SLC13A1: variants seen among roughly 807,000 people sequenced by gnomAD.
SLC13A1 encodes the protein solute carrier family 13 member 1.
Under a neutral mutation model 70.0 loss-of-function variants are expected in SLC13A1, and 65 were observed. The observed-to-expected ratio is 0.93, with a 90% CI of 0.76 to 1.14. The LOEUF is 1.14. SLC13A1 is among the 50% of genes most tolerant of loss of function. SLC13A1 has a pLI of 0.00. For missense variants in SLC13A1, 726 were observed against 717.8 expected (o/e 1.01, Z -0.13); for synonymous variants, 275 against 250.5 (o/e 1.10, Z -0.92).
intron 6 of SLC13A1, among the ~76,000 whole-genome samples, chr7:123,162,284 C>T (rs1318594707): frequency 6.6e-6 from 1 of 152,004 alleles, no homozygotes; most frequent in Non-Finnish European, 1.5e-5. Flanking sequence ...TGTCAAAAGT[C>T]AATAGTTTCT....
At chr7:123,151,804 A>T (rs1223107013) in intron 6 of SLC13A1, among the ~76,000 whole-genome samples, 1 of 152,036 alleles carries the variant, frequency 6.6e-6, no homozygotes, top group African/African-American at 2.4e-5. Context: ...CCTCAAAAAC[A>T]TTATCTTCCT....
intron 7 of SLC13A1, among the ~76,000 whole-genome samples, chr7:123,142,211 T>C (rs941980941): frequency 1.3e-5 from 2 of 152,100 alleles, no homozygotes; most frequent in Admixed American, 6.5e-5. Flanking sequence ...GCTCACCCCG[T>C]GTCCACTGCC....
chr7:123,161,806 G>A (rs1794914767), intron 6 of SLC13A1, among the ~76,000 whole-genome samples: 1 of 152,108 alleles, frequency 6.6e-6, no homozygotes. Flanking sequence ...TTGGACTATA[G>A]CTAACTTGGC....
chr7:123,189,930 T>TAA (rs201753525), intron 1 of SLC13A1, among the ~76,000 whole-genome samples: 137 of 152,220 alleles, frequency 9.0e-4, no homozygotes, highest in African/African-American at 3.2e-3. Flanking sequence ...TCATCTTTTT[T>TAA]AAAAAAATTC....
In SLC13A1 at chr7:123,119,072, G is replaced by A. The variant is rs1459055181; in HGVS notation, c.1512+9C>T. On this transcript the variant is annotated intron_variant, in intron 13 of 14. Transcript: ENST00000194130. ...TGAAGAGTAAAAAGGGGATAAATGA[G>A]ATACTCACCAATGGAGATAATATTG... The A allele has an allele frequency of 6.2e-7, 1 of 1,609,212 alleles. No individual in the cohort carries two copies. The highest frequency in any genetic ancestry group is 1.7e-4 in the Middle Eastern group (1 of 6,048).
chr7:123,190,658 T>C (rs975698981), intron 1 of SLC13A1: 1 of 456,566 alleles, frequency 2.2e-6, no homozygotes, highest in Non-Finnish European at 4.4e-6. Context: ...TATTTGACAT[T>C]AACCAAATGA....
At chr7:123,117,150 G>C (rs755294197) in intron 14 of SLC13A1, among the ~76,000 whole-genome samples, 2 of 152,026 alleles carry the variant, frequency 1.3e-5, no homozygotes, top group Non-Finnish European at 2.9e-5. Context: ...CTTTTGCCTG[G>C]ATCAGTTTGG....
intron 1 of SLC13A1, among the ~76,000 whole-genome samples, chr7:123,195,412 G>A (rs1269392403): frequency 6.6e-6 from 1 of 151,516 alleles, no homozygotes; most frequent in Non-Finnish European, 1.5e-5. Flanking sequence ...AAACTTATCT[G>A]TTTTCTTGGA....
At chr7:123,176,409 T>C (rs1585383071) in intron 2 of SLC13A1, among the ~76,000 whole-genome samples, 1 of 152,244 alleles carries the variant, frequency 6.6e-6, no homozygotes, top group East Asian at 1.9e-4. Flanking sequence ...ACATCTCTAA[T>C]AAAATTTGAT....
chr7:123,136,028 A>T (rs1428616421), intron 7 of SLC13A1, among the ~76,000 whole-genome samples: 1 of 152,224 alleles, frequency 6.6e-6, no homozygotes, highest in Non-Finnish European at 1.5e-5. Context: ...CTGATTTCCC[A>T]TTAACATTAG....
chr7:123,125,488 T>C (rs1793527103), intron 11 of SLC13A1, 81 bp downstream of exon 11: 1 of 982,574 alleles, frequency 1.0e-6, no homozygotes, highest in Non-Finnish European at 1.6e-6. Context: ...CTTTCTGCTC[T>C]AGGTGCCAAG....
At chr7:123,119,702 G>A (rs1793308832) in intron 12 of SLC13A1, among the ~76,000 whole-genome samples, 1 of 151,576 alleles carries the variant, frequency 6.6e-6, no homozygotes, top group South Asian at 2.1e-4. Context: ...TATGATTTTT[G>A]CTTACTTTTA....
chr7:123,171,518 A>G (rs1408180711), intron 3 of SLC13A1, among the ~76,000 whole-genome samples: 1 of 152,218 alleles, frequency 6.6e-6, no homozygotes, highest in East Asian at 1.9e-4. Flanking sequence ...TATGATGCAT[A>G]AAAGGTGAGA....
At chr7:123,185,863 G>C (rs1326140044) in intron 1 of SLC13A1, among the ~76,000 whole-genome samples, 1 of 152,018 alleles carries the variant, frequency 6.6e-6, no homozygotes, top group Non-Finnish European at 1.5e-5. Context: ...TTATTGTAGA[G>C]TTTCCTTTCT....
At chr7:123,177,908 G>C (rs974950788) in intron 2 of SLC13A1, among the ~76,000 whole-genome samples, 1 of 151,930 alleles carries the variant, frequency 6.6e-6, no homozygotes. Flanking sequence ...GAAATATTTT[G>C]CCTGTTTTTA....
intron 1 of SLC13A1, among the ~76,000 whole-genome samples, chr7:123,198,959 A>G (rs1190337404): frequency 5.9e-5 from 9 of 152,056 alleles, no homozygotes; most frequent in Non-Finnish European, 1.2e-4. Flanking sequence ...CATTCTCACA[A>G]CAAGCCTGCT....
At chr7:123,121,953 A>T (rs1000812805) in intron 12 of SLC13A1, among the ~76,000 whole-genome samples, 1 of 152,110 alleles carries the variant, frequency 6.6e-6, no homozygotes, top group African/African-American at 2.4e-5. Context: ...TATTCTGGGT[A>T]TCCTGTAGAC....
chr7:123,188,978 A>G (rs1184298530), intron 1 of SLC13A1, among the ~76,000 whole-genome samples: 2 of 150,136 alleles, frequency 1.3e-5, no homozygotes, highest in African/African-American at 2.4e-5. Context: ...AGCCGGGTGT[A>G]GTGGCGGGCG....
intron 7 of SLC13A1, among the ~76,000 whole-genome samples, chr7:123,141,530 G>A (rs1386589738): frequency 6.6e-6 from 1 of 151,920 alleles, no homozygotes; most frequent in Non-Finnish European, 1.5e-5. Flanking sequence ...AGCTATTATT[G>A]TATTGAGGTC....
Sources: gnomAD v4.1 joint callset for allele counts (sites outside exome capture counted in the v4.1 genomes callset) on GRCh38, gnomAD v4.1.1 for gene constraint, MANE v1.5 for transcripts, NCBI Gene and HGNC (gene_info 2026-07-23, HGNC 2026-07-21) for gene names.